PRKCA: variants seen among roughly 807,000 people sequenced by gnomAD.
PRKCA encodes protein kinase C alpha, also known as protein kinase C alpha type.
In PRKCA, 27 loss-of-function variants were observed where a neutral mutation model predicts 87.0. That is an observed-to-expected ratio of 0.31 (90% confidence interval 0.23 to 0.43). The LOEUF (loss-of-function observed/expected upper bound fraction) is 0.43. Among genes scored for constraint, PRKCA ranks in the 20% least tolerant of loss-of-function variants. The pLI is 1.00. For missense variants in PRKCA, 518 were observed against 852.3 expected (o/e 0.61, Z 4.88); for synonymous variants, 329 against 311.1 (o/e 1.06, Z -0.61).
At chr17:66,634,417 C>A (rs1971100193) in intron 3 of PRKCA, among the ~76,000 whole-genome samples, 1 of 152,196 alleles carries the variant, frequency 6.6e-6, no homozygotes, top group East Asian at 1.9e-4. Flanking sequence ...GACAGGCTGC[C>A]AGTTCCTGGA....
At chr17:66,565,715 G>A (rs1028230150) in intron 3 of PRKCA, among the ~76,000 whole-genome samples, 2 of 151,692 alleles carry the variant, frequency 1.3e-5, no homozygotes, top group African/African-American at 4.8e-5. Flanking sequence ...AAATGCACAG[G>A]TGTTATCTTT....
At chr17:66,429,154 A>G (rs145480407) in intron 2 of PRKCA, among the ~76,000 whole-genome samples, 90 of 152,248 alleles carry the variant, frequency 5.9e-4, no homozygotes, top group African/African-American at 1.7e-3. Flanking sequence ...AAAATCTGAC[A>G]TAGTGCTTGG....
intron 8 of PRKCA, among the ~76,000 whole-genome samples, chr17:66,693,197 T>C (rs1338780538): frequency 6.6e-6 from 1 of 152,202 alleles, no homozygotes; most frequent in Non-Finnish European, 1.5e-5. Context: ...CCAGGGTGGC[T>C]GGAGATGACC....
intron 16 of PRKCA, among the ~76,000 whole-genome samples, chr17:66,789,556 T>G (rs1381316475): frequency 6.6e-6 from 1 of 152,210 alleles, no homozygotes; most frequent in Non-Finnish European, 1.5e-5. Flanking sequence ...TTTTTTTCAT[T>G]TATTTAAACA....
At chr17:66,560,754 A>G (rs575571739) in intron 3 of PRKCA, among the ~76,000 whole-genome samples, 3 of 152,354 alleles carry the variant, frequency 2.0e-5, no homozygotes, top group Admixed American at 1.3e-4. Context: ...ACTTAAGACT[A>G]TTACCAGCGC....
intron 3 of PRKCA, among the ~76,000 whole-genome samples, chr17:66,525,274 C>G (rs1471976316): frequency 2.0e-5 from 3 of 152,162 alleles, no homozygotes; most frequent in Non-Finnish European, 4.4e-5. Context: ...GAGCTTTCAC[C>G]AGCTTAAAGT....
At chr17:66,721,174 A>T (rs1475581552) in intron 8 of PRKCA, among the ~76,000 whole-genome samples, 2 of 152,086 alleles carry the variant, frequency 1.3e-5, no homozygotes, top group African/African-American at 4.8e-5. Flanking sequence ...AGGCGGGCGG[A>T]TCATGAGGTC....
chr17:66,742,084 G>GA (rs1206870559), intron 12 of PRKCA, among the ~76,000 whole-genome samples: 2 of 152,206 alleles, frequency 1.3e-5, no homozygotes, highest in South Asian at 2.1e-4. Context: ...GAGAGGCAAG[G>GA]AAAAAAATCT....
chr17:66,514,749 C>T (rs1470750221), intron 3 of PRKCA, among the ~76,000 whole-genome samples: 1 of 152,120 alleles, frequency 6.6e-6, no homozygotes, highest in Non-Finnish European at 1.5e-5. Context: ...ACTCAAATCA[C>T]AGATGCTTGT....
intron 2 of PRKCA, among the ~76,000 whole-genome samples, chr17:66,390,987 TG>T (rs142102377): frequency 0.046 from 6,991 of 152,274 alleles, 367 homozygotes; most frequent in African/African-American, 0.13. Flanking sequence ...TGAAGACTTC[TG>T]GTGCAGTCCA....
chr17:66,648,809 A>G (rs1322830604), intron 5 of PRKCA, among the ~76,000 whole-genome samples: 4 of 152,116 alleles, frequency 2.6e-5, no homozygotes, highest in African/African-American at 9.7e-5. Flanking sequence ...ATAAGTGCTT[A>G]CAGCCAGGTG....
chr17:66,654,709 C>T (rs935376178), intron 5 of PRKCA, among the ~76,000 whole-genome samples: 1 of 152,230 alleles, frequency 6.6e-6, no homozygotes, highest in Admixed American at 6.5e-5. Flanking sequence ...CCTGTGATTA[C>T]TGTTCTGTTG....
intron 8 of PRKCA, among the ~76,000 whole-genome samples, chr17:66,720,983 C>T (rs1363963416): frequency 6.6e-6 from 1 of 152,022 alleles, no homozygotes; most frequent in Non-Finnish European, 1.5e-5. Context: ...AATGTAGTTA[C>T]GTTACTGGAA....
chr17:66,491,862 G>C, intron 2 of PRKCA, among the ~76,000 whole-genome samples: 1 of 152,222 alleles, frequency 6.6e-6, no homozygotes, highest in Non-Finnish European at 1.5e-5. Flanking sequence ...GGAACCTCTG[G>C]CTGTTGCTCA....
intron 3 of PRKCA, among the ~76,000 whole-genome samples, chr17:66,504,399 G>C (rs1435642082): frequency 6.6e-6 from 1 of 152,044 alleles, no homozygotes; most frequent in East Asian, 1.9e-4. Context: ...GACCAGCCAG[G>C]CTGACCAACA....
intron 8 of PRKCA, among the ~76,000 whole-genome samples, chr17:66,691,860 T>C (rs372336498): frequency 1.3e-5 from 2 of 152,250 alleles, no homozygotes; most frequent in African/African-American, 4.8e-5. Context: ...GCTTTGCTGC[T>C]GGAGAAATAT....
intron 2 of PRKCA, among the ~76,000 whole-genome samples, chr17:66,398,749 G>A (rs1317969670): frequency 2.0e-5 from 3 of 152,058 alleles, no homozygotes; most frequent in Non-Finnish European, 4.4e-5. Context: ...GGGTGGCGTC[G>A]CGCTACTCAT....
At chr17:66,621,057 C>T (rs1452383337) in intron 3 of PRKCA, among the ~76,000 whole-genome samples, 31 of 152,150 alleles carry the variant, frequency 2.0e-4, no homozygotes, top group Admixed American at 2.0e-3. Context: ...ATATTAACTC[C>T]TAATAGTCTC....
chr17:66,741,599 T>C, intron 11 of PRKCA, 60 bp from the exon 12 acceptor site: 1 of 1,544,248 alleles, frequency 6.5e-7, no homozygotes, highest in East Asian at 2.3e-5. Context: ...TTTGAGAATG[T>C]AAAGTATACA....
Sources: gnomAD v4.1 joint callset for allele counts (sites outside exome capture counted in the v4.1 genomes callset) on GRCh38, gnomAD v4.1.1 for gene constraint, MANE v1.5 for transcripts, NCBI Gene and HGNC (gene_info 2026-07-23, HGNC 2026-07-21) for gene names.